The following ABLIM1 variants were observed in gnomAD, a reference collection of about 807,000 sequenced individuals.
ABLIM1 encodes actin-binding LIM protein 1.
In ABLIM1, 40 loss-of-function variants were observed where a neutral mutation model predicts 107.0. The ratio of observed to expected loss-of-function variants is 0.37; its 90% CI spans 0.29 to 0.49. The LOEUF is 0.49. Among genes scored for constraint, ABLIM1 ranks in the 20% least tolerant of loss-of-function variants. ABLIM1 has a pLI of 0.97. For missense variants in ABLIM1, 857 were observed against 1,008.5 expected, an observed-to-expected ratio of 0.85 and a Z score of 2.04; for synonymous variants, 357 against 357.3, an observed-to-expected ratio of 1.00 and a Z score of 0.01.
chr10:114,692,155 A>G (rs1186288552), intron 1 of ABLIM1, among the ~76,000 whole-genome samples: 1 of 152,194 alleles, frequency 6.6e-6, no homozygotes, highest in Non-Finnish European at 1.5e-5. Context: ...AATTTGGGAG[A>G]CTTCAAATTT....
At chr10:114,769,299 C>T (rs914778584), upstream of ABLIM1, among the ~76,000 whole-genome samples, 12 of 146,872 alleles carry the variant, frequency 8.2e-5, no homozygotes, top group Admixed American at 1.4e-4. Context: ...GCCGAGATCA[C>T]GGCACTGCAC....
intron 1 of ABLIM1, among the ~76,000 whole-genome samples, chr10:114,675,103 A>G (rs1457970866): frequency 2.0e-5 from 3 of 152,076 alleles, no homozygotes; most frequent in Non-Finnish European, 4.4e-5. Flanking sequence ...GATGTTCCCT[A>G]TGTTCCCTAT....
chr10:114,720,585 C>T (rs2081819586), intron 1 of ABLIM1, among the ~76,000 whole-genome samples: 1 of 152,134 alleles, frequency 6.6e-6, no homozygotes, highest in Non-Finnish European at 1.5e-5. Context: ...CAGGCTGCTT[C>T]AGCCAATGAG....
At chr10:114,754,756 T>G (rs1435321584) in intron 1 of ABLIM1, among the ~76,000 whole-genome samples, 1 of 152,188 alleles carries the variant, frequency 6.6e-6, no homozygotes, top group East Asian at 1.9e-4. Context: ...TTTATCACTG[T>G]AGGCAGCTTT....
At chr10:114,635,142 A>G (rs1484157527) in intron 1 of ABLIM1, among the ~76,000 whole-genome samples, 2 of 152,158 alleles carry the variant, frequency 1.3e-5, no homozygotes, top group Non-Finnish European at 2.9e-5. Flanking sequence ...ACGGACACCA[A>G]CCCACGGTTT....
chr10:114,512,386 G>A (rs2062010767), intron 6 of ABLIM1, among the ~76,000 whole-genome samples: 1 of 152,230 alleles, frequency 6.6e-6, no homozygotes, highest in African/African-American at 2.4e-5. Context: ...TTCTCGAAGT[G>A]TGCAAATAGT....
At chr10:114,659,140 A>G (rs1477557046), upstream of ABLIM1, among the ~76,000 whole-genome samples, 3 of 152,128 alleles carry the variant, frequency 2.0e-5, no homozygotes, top group East Asian at 5.8e-4. Context: ...TTTCATTAAA[A>G]CCCTAGAATA....
chr10:114,688,296 G>A (rs4529825), upstream of ABLIM1, among the ~76,000 whole-genome samples: 25 of 151,970 alleles, frequency 1.6e-4, no homozygotes, highest in African/African-American at 5.8e-4. Flanking sequence ...TATTACATAC[G>A]GTCCCTAAGT....
chr10:114,660,198 C>G (rs2079727878), upstream of ABLIM1, among the ~76,000 whole-genome samples: 3 of 152,200 alleles, frequency 2.0e-5, no homozygotes, highest in African/African-American at 7.2e-5. Context: ...CCTCTAAAAA[C>G]AGTTTACAAA....
chr10:114,684,284 T>G (rs1242145185), intron 1 of ABLIM1: 1 of 1,613,220 alleles, frequency 6.2e-7, no homozygotes, highest in Non-Finnish European at 8.5e-7. Context: ...AAATGGACGG[T>G]CTAACCTTTG....
At chr10:114,523,351 G>C (rs1404961229) in intron 6 of ABLIM1, among the ~76,000 whole-genome samples, 1 of 152,090 alleles carries the variant, frequency 6.6e-6, no homozygotes, top group Non-Finnish European at 1.5e-5. Context: ...GAACCAGGTA[G>C]GTTCTCTGGG....
chr10:114,486,050 TAGG>T (rs2134675168), intron 8 of ABLIM1, among the ~76,000 whole-genome samples: 1 of 152,274 alleles, frequency 6.6e-6, no homozygotes, highest in East Asian at 1.9e-4. Context: ...ATGCTGGGTT[TAGG>T]AGAAGAGCTT....
chr10:114,628,573 C>G (rs555065211), intron 1 of ABLIM1, among the ~76,000 whole-genome samples: 7 of 152,118 alleles, frequency 4.6e-5, no homozygotes, highest in Admixed American at 2.0e-4. Context: ...CCGCTCTATC[C>G]CAAAAGCAAG....
intron 6 of ABLIM1, among the ~76,000 whole-genome samples, chr10:114,495,836 C>A (rs536792623): frequency 1.3e-5 from 2 of 152,286 alleles, no homozygotes; most frequent in South Asian, 4.1e-4. Flanking sequence ...ACAGTTAGAA[C>A]TGGTGGGACC....
At chr10:114,767,820 G>A (rs1410398418) in intron 1 of ABLIM1, among the ~76,000 whole-genome samples, 5 of 152,160 alleles carry the variant, frequency 3.3e-5, no homozygotes, top group Admixed American at 1.3e-4. Context: ...CAGACGCGCG[G>A]CGGGCACAGG....
intron 1 of ABLIM1, among the ~76,000 whole-genome samples, chr10:114,674,846 T>C (rs1164680205): frequency 6.6e-6 from 1 of 152,106 alleles, no homozygotes; most frequent in African/African-American, 2.4e-5. Flanking sequence ...AAATATTTTC[T>C]TCTTCATAAA....
chr10:114,442,313 G>A (rs112750959), intron 17 of ABLIM1, among the ~76,000 whole-genome samples: 47 of 152,294 alleles, frequency 3.1e-4, no homozygotes, highest in East Asian at 3.9e-4. Context: ...TCTACAGCTG[G>A]CCTCCTGGGA....
chr10:114,699,691 C>T (rs1022872495), intron 1 of ABLIM1, among the ~76,000 whole-genome samples: 1 of 152,090 alleles, frequency 6.6e-6, no homozygotes, highest in African/African-American at 2.4e-5. Context: ...TGGAAGTGAA[C>T]ATTAAAACCA....
intron 2 of ABLIM1, among the ~76,000 whole-genome samples, chr10:114,588,191 A>T (rs997100225): frequency 1.2e-4 from 19 of 152,232 alleles, no homozygotes; most frequent in African/African-American, 4.3e-4. Flanking sequence ...AAATTGTACG[A>T]TAGGGAGTTT....
Sources: allele counts gnomAD v4.1 joint callset (sites outside exome capture counted in the v4.1 genomes callset), GRCh38; gene constraint gnomAD v4.1.1; transcripts MANE v1.5; gene names NCBI Gene and HGNC (gene_info 2026-07-23, HGNC 2026-07-21).